Variants in EYA3 observed in about 807,000 individuals in gnomAD.
EYA3 encodes EYA transcriptional coactivator and phosphatase 3.
A neutral mutation model predicts 80.0 loss-of-function variants in EYA3; 39 were observed. The observed-to-expected ratio is 0.49, with a 90% CI of 0.38 to 0.64. The LOEUF is 0.64. Among genes scored for constraint, EYA3 ranks in the 30% least tolerant of loss-of-function variants. The probability of loss-of-function intolerance (pLI) is 0.00; values close to 1 mark genes in which losing one functional copy is unlikely to be tolerated. For synonymous variants in EYA3, 206 were observed against 232.8 expected (o/e 0.88, Z 1.05); for missense variants, 523 against 676.1 (o/e 0.77, Z 2.51).
chr1:27,995,511 T>C (rs778932538), intron 13 of EYA3, among the ~76,000 whole-genome samples: 3 of 146,750 alleles, frequency 2.0e-5, no homozygotes, highest in Non-Finnish European at 4.5e-5. Flanking sequence ...CTGAGGTGGG[T>C]AGATTGCTTA....
intron 1 of EYA3, among the ~76,000 whole-genome samples, chr1:28,073,118 TATATA>T (rs1439573027): frequency 1.2e-4 from 6 of 49,740 alleles, no homozygotes; most frequent in Non-Finnish European, 2.0e-4. Context: ...TATATATATA[TATATA>T]TATATTTTTT....
chr1:27,989,569 C>A, intron 15 of EYA3, 128 bp downstream of exon 15: 1 of 483,580 alleles, frequency 2.1e-6, no homozygotes, highest in Non-Finnish European at 3.7e-6. Context: ...AACACAAATA[C>A]TTCCCTACAT....
chr1:28,016,599 A>G (rs1330215976), intron 8 of EYA3, among the ~76,000 whole-genome samples: 1 of 152,090 alleles, frequency 6.6e-6, no homozygotes. Context: ...TGTAGCCAGG[A>G]AAAGATCCAA....
At chr1:28,055,730 C>A (rs1292525392) in intron 2 of EYA3, among the ~76,000 whole-genome samples, 2 of 152,084 alleles carry the variant, frequency 1.3e-5, no homozygotes, top group Admixed American at 1.3e-4. Context: ...CTCCACCACC[C>A]AAAGTGCTGG....
intron 6 of EYA3, among the ~76,000 whole-genome samples, chr1:28,028,152 T>C (rs987545486): frequency 1.3e-5 from 2 of 152,104 alleles, no homozygotes; most frequent in Non-Finnish European, 1.5e-5. Context: ...TTGCCACAAA[T>C]CCCAATATGT....
intron 16 of EYA3, among the ~76,000 whole-genome samples, chr1:27,983,986 A>T (rs1166816507): frequency 6.6e-6 from 1 of 152,040 alleles, no homozygotes; most frequent in African/African-American, 2.4e-5. Flanking sequence ...CTAACTGCCA[A>T]TTAAATGTGT....
At chr1:28,019,048 C>A (rs1642254453) in intron 7 of EYA3, among the ~76,000 whole-genome samples, 1 of 152,106 alleles carries the variant, frequency 6.6e-6, no homozygotes, top group South Asian at 2.1e-4. Context: ...CACCTGTAAT[C>A]CCAGCTATGC....
At chr1:28,019,609 T>A (rs1002416496) in intron 7 of EYA3, among the ~76,000 whole-genome samples, 1 of 152,174 alleles carries the variant, frequency 6.6e-6, no homozygotes, top group African/African-American at 2.4e-5. Context: ...CCCCAGCAAG[T>A]CCATTTTTAG....
intron 1 of EYA3, among the ~76,000 whole-genome samples, chr1:28,082,728 A>AAGACTATG (rs1368996580): frequency 6.6e-6 from 1 of 152,206 alleles, no homozygotes; most frequent in African/African-American, 2.4e-5. Context: ...TAAGTATTTT[A>AAGACTATG]AGACTATTAC....
chr1:28,058,132 C>A, intron 1 of EYA3, 38 bp from the exon 2 acceptor site: 1 of 805,694 alleles, frequency 1.2e-6, no homozygotes, highest in Non-Finnish European at 1.9e-6. Context: ...TTTATACACT[C>A]TTAAAGTATT....
At chr1:27,991,076 T>G (rs1640026510) in intron 14 of EYA3, among the ~76,000 whole-genome samples, 2 of 152,088 alleles carry the variant, frequency 1.3e-5, no homozygotes, top group African/African-American at 4.8e-5. Flanking sequence ...TAGCATATCT[T>G]TTGCAGACTG....
intron 1 of EYA3, among the ~76,000 whole-genome samples, chr1:28,078,166 T>C (rs1645289468): frequency 2.0e-5 from 3 of 152,246 alleles, no homozygotes. Context: ...GTCAATTCAC[T>C]AACTAGCTCC....
Position 27,974,120 on chromosome 1 carries a change from C to G in EYA3, c.*346G>C, listed in dbSNP as rs1016059623. The G allele has an allele frequency of 6.1e-6, 1 of 163,220 alleles. No homozygotes were observed. Among genetic ancestry groups the G allele is most frequent in the Non-Finnish European group, 1.3e-5 (1 of 75,252 alleles). The allele number at this position is 163,220 out of a possible 1,614,324, so 10.1% of individuals were successfully genotyped here. ...CACAGAAAAATTAAAAGCACTGTAG[C>G]TGCAGTGAGTCCATTGTTCTCTCTA... On this transcript the variant is annotated 3_prime_UTR_variant, in exon 18 of 18. Coordinates refer to ENST00000373871, the MANE Select transcript of EYA3 (RefSeq NM_001990.4).
At chr1:28,063,405 G>A (rs1484750687) in intron 1 of EYA3, among the ~76,000 whole-genome samples, 1 of 130,734 alleles carries the variant, frequency 7.6e-6, no homozygotes, top group African/African-American at 3.0e-5. Flanking sequence ...CACCCAGGCT[G>A]GAGCACAGCG....
rs908989891 is a variant in EYA3 at position 28,013,986 on chromosome 1, C to T, written c.586-692G>A. On this transcript the variant is annotated intron_variant, in intron 8 of 17. Coordinates refer to ENST00000373871, the MANE Select transcript of EYA3 (RefSeq NM_001990.4). The surrounding 1 kb of genome is among the most constrained non-coding windows in gnomAD (Gnocchi z 4.0). Reference sequence around the variant, plus strand: ...GCTAAGGCACAAGAATCGCTTGAACCTGGAAAGCGGAGGTTGCAGTGAGCC... The same window carrying T: ...GCTAAGGCACAAGAATCGCTTGAACTTGGAAAGCGGAGGTTGCAGTGAGCC... Among the ~76,000 whole-genome samples, 1 of 152,196 alleles carries T rather than the reference C, an allele frequency of 6.6e-6. No homozygotes were observed. Among genetic ancestry groups the T allele is most frequent in the Non-Finnish European group, 1.5e-5 (1 of 68,030 alleles).
intron 6 of EYA3, among the ~76,000 whole-genome samples, chr1:28,031,371 T>C (rs1223789512): frequency 6.6e-6 from 1 of 152,212 alleles, no homozygotes; most frequent in African/African-American, 2.4e-5. Context: ...AACCAAACCC[T>C]AATTACAGGA....
At chr1:27,986,094 G>A (rs1373924560) in intron 16 of EYA3, among the ~76,000 whole-genome samples, 3 of 151,944 alleles carry the variant, frequency 2.0e-5, no homozygotes, top group Non-Finnish European at 4.4e-5. Flanking sequence ...GGCGAGGTGC[G>A]GTGGCTCATG....
At chr1:28,019,218 T>G (rs1388542267) in intron 7 of EYA3, among the ~76,000 whole-genome samples, 6 of 152,238 alleles carry the variant, frequency 3.9e-5, no homozygotes, top group African/African-American at 1.2e-4. Flanking sequence ...ATTTCCTAAC[T>G]ATCCAGAGTA....
chr1:28,031,805 T>C (rs1643153907), intron 6 of EYA3: 1 of 152,244 alleles, frequency 6.6e-6, no homozygotes, highest in Non-Finnish European at 1.5e-5. Context: ...TATGTATATA[T>C]TTTTTAAAAC....
Sources: gnomAD v4.1 joint callset for allele counts (sites outside exome capture counted in the v4.1 genomes callset) on GRCh38, gnomAD v4.1.1 for gene constraint, Gnocchi (gnomAD v3.1) non-coding constraint, MANE v1.5 for transcripts, NCBI Gene and HGNC (gene_info 2026-07-23, HGNC 2026-07-21) for gene names.